SLC2A7: variants seen among roughly 807,000 people sequenced by gnomAD.
SLC2A7 encodes the protein solute carrier family 2 member 7.
Under a neutral mutation model 50.5 loss-of-function variants are expected in SLC2A7, and 50 were observed. That is an observed-to-expected ratio of 0.99 (90% CI 0.79 to 1.25). The LOEUF is 1.25. SLC2A7 is among the 50% of genes most tolerant of loss of function. The pLI is 0.00. For missense variants in SLC2A7, 683 were observed against 679.1 expected, an observed-to-expected ratio of 1.01 and a Z score of -0.06; for synonymous variants, 308 against 300.4, an observed-to-expected ratio of 1.03 and a Z score of -0.26.
Position 9,007,363 on chromosome 1 carries a change from T to C in SLC2A7, c.1139A>G (p.Tyr380Cys). 6.2e-7 allele frequency: 1 copy of C among 1,614,148 alleles called. No homozygotes were observed. The highest frequency in any genetic ancestry group is 1.7e-5 in the Admixed American group (1 of 60,024). Residue 380 changes from tyrosine to cysteine, a missense_variant, in exon 10 of 12, where the codon TAC becomes TGC. Transcript: ENST00000400906. ...LFQNRVPELS[Y>C]LGIICVFAYI... Reference sequence around the variant, plus strand: ...GGCAAAGACACAGATGATGCCGAGGTAGGACAGCTCGGGGACCCTGTTCTG... The same window carrying C: ...GGCAAAGACACAGATGATGCCGAGGCAGGACAGCTCGGGGACCCTGTTCTG...
intron 3 of SLC2A7, among the ~76,000 whole-genome samples, chr1:9,021,230 G>A (rs943870748): frequency 2.0e-5 from 3 of 152,120 alleles, no homozygotes; most frequent in East Asian, 1.9e-4. Flanking sequence ...GGCTGGTCTC[G>A]AACTCTTAGC....
the SLC2A7 span, among the ~76,000 whole-genome samples, chr1:8,993,659 G>A: frequency 2.4e-4 from 37 of 152,200 alleles, no homozygotes; most frequent in African/African-American, 7.0e-4. Context: ...ACAGAGTCTC[G>A]CTCTGTCGCT....
intron 10 of SLC2A7, among the ~76,000 whole-genome samples, chr1:9,006,131 C>A (rs931132644): frequency 2.0e-5 from 3 of 152,248 alleles, no homozygotes; most frequent in African/African-American, 7.2e-5. Flanking sequence ...AGGTGACACA[C>A]AGGCAGTGGG....
downstream of SLC2A7, among the ~76,000 whole-genome samples, chr1:9,000,242 G>C (rs1424915475): frequency 1.3e-5 from 2 of 152,114 alleles, no homozygotes; most frequent in African/African-American, 2.4e-5. Context: ...AGGATTGCTT[G>C]AGCCAAGAAG....
Position 9,010,206 on chromosome 1 carries a change from C to A in SLC2A7, c.1053G>T (p.Leu351=), listed in dbSNP as rs569729953. The change falls in exon 9 of 12, where the codon CTG becomes CTT. Residue 351 remains leucine, a synonymous_variant. Coordinates refer to ENST00000400906, the MANE Select transcript of SLC2A7 (RefSeq NM_207420.3). The part of the protein sequence containing the change: ...LVERLGRRHL[L]LAGYGICGSA... ...AGCCGCAGATGCCGTAGCCGGCCAG[C>A]AGGAGGTGCCGCCGTCCCAGCCGCT... 5 of 1,551,502 alleles carry A rather than the reference C, an allele frequency of 3.2e-6. No homozygotes were observed. The highest frequency in any genetic ancestry group is 4.4e-6 in the Non-Finnish European group (5 of 1,147,112).
At chr1:9,002,171 C>G (rs541047053), downstream of SLC2A7, among the ~76,000 whole-genome samples, 7 of 152,282 alleles carry the variant, frequency 4.6e-5, no homozygotes, top group Admixed American at 3.9e-4. Context: ...GGCTTCCCCC[C>G]ATGGAGATGG....
Position 9,014,706 on chromosome 1 carries a change from C to T in SLC2A7, c.878G>A (p.Gly293Asp), listed in dbSNP as rs766339197. The T allele has an allele frequency of 7.0e-6, 11 of 1,561,748 alleles. No individual in the cohort carries two copies. In the Middle Eastern group the frequency reaches 1.5e-3, roughly 213 times the overall value. Reference sequence around the variant, plus strand: ...CGCATTGATGCCCGACAGCTGCTGGCCGGCCATGAGCACGATGATGGAGAG... The same window carrying T: ...CGCATTGATGCCCGACAGCTGCTGGTCGGCCATGAGCACGATGATGGAGAG... ...QLLSIIVLMA[G>D]QQLSGINAIN... Residue 293 changes from glycine (G) to aspartate (D), a missense_variant, in exon 7 of 12, where the codon GGC (glycine) becomes GAC (aspartate). Coordinates refer to ENST00000400906, the MANE Select transcript of SLC2A7 (RefSeq NM_207420.3).
chr1:8,997,667 G>A, the SLC2A7 span, among the ~76,000 whole-genome samples: 8 of 152,258 alleles, frequency 5.3e-5, 2 homozygotes, highest in African/African-American at 1.7e-4. Context: ...CAAAGTGCTA[G>A]GATTACAGGC....
intron 3 of SLC2A7, 25 bp downstream of exon 3, chr1:9,022,893 T>C (rs777430136): frequency 1.2e-6 from 2 of 1,609,968 alleles, no homozygotes; most frequent in South Asian, 1.1e-5. Context: ...GAATTTTAAG[T>C]GGGAGCAGTG....
intron 10 of SLC2A7, among the ~76,000 whole-genome samples, chr1:9,007,083 G>A (rs6672506): frequency 0.21 from 32,456 of 152,104 alleles, 4,180 homozygotes; most frequent in Non-Finnish European, 0.29. Flanking sequence ...GGCCCCCCTG[G>A]GAGCCACAGA....
intron 3 of SLC2A7, among the ~76,000 whole-genome samples, chr1:9,020,558 C>G (rs1301766779): frequency 6.9e-6 from 1 of 145,796 alleles, no homozygotes; most frequent in East Asian, 2.2e-4. Context: ...GTGCCCCCCC[C>G]CACCCCCCCG....
At chr1:9,005,820 A>C (rs7556128) in intron 10 of SLC2A7, among the ~76,000 whole-genome samples, 119,143 of 150,840 alleles carry the variant, frequency 0.79, 47,264 homozygotes, top group East Asian at 0.97. Context: ...AAAGAAAAGG[A>C]CCGATCTCCC....
Position 9,024,982 on chromosome 1 carries a change from C to T in SLC2A7, c.144G>A (p.Pro48=), listed in dbSNP as rs149907833. The T allele has an allele frequency of 1.8e-4, 297 of 1,613,976 alleles. No individual in the cohort carries two copies. In the African/African-American group the frequency reaches 3.0e-3, roughly 16 times the overall value. Residue 48 remains proline (P), a synonymous_variant, in exon 2 of 12, where the codon CCG becomes CCA. Coordinates refer to ENST00000400906, the MANE Select transcript of SLC2A7 (RefSeq NM_207420.3). ...GTGCCCACCTTGTGCCCACCTTGTGCGGCGTGTTGACCACAGAGAGGTTGT... is the reference window on the plus strand; with the variant it reads ...GTGCCCACCTTGTGCCCACCTTGTGTGGCGTGTTGACCACAGAGAGGTTGT... ...YGYNLSVVNT[P]HKVFKSFYNE...
chr1:9,016,093 C>T (rs148568053), intron 5 of SLC2A7, among the ~76,000 whole-genome samples: 213 of 152,218 alleles, frequency 1.4e-3, no homozygotes, highest in African/African-American at 4.7e-3. Flanking sequence ...AGGTGCTAAG[C>T]GTCATGCACG....
chr1:9,019,129 C>T (rs1485173114), intron 4 of SLC2A7, 80 bp downstream of exon 4: 4 of 1,533,024 alleles, frequency 2.6e-6, no homozygotes, highest in Non-Finnish European at 3.5e-6. Context: ...GCCAGGCAGA[C>T]ACCTCATCTG....
the SLC2A7 span, among the ~76,000 whole-genome samples, chr1:8,995,893 A>G: frequency 3.3e-5 from 5 of 152,080 alleles, no homozygotes; most frequent in Non-Finnish European, 5.9e-5. Context: ...TCAGCCTCCC[A>G]AGTAGCTGGG....
intron 10 of SLC2A7, among the ~76,000 whole-genome samples, chr1:9,005,737 T>C (rs373347982): frequency 2.3e-5 from 3 of 132,350 alleles, no homozygotes; most frequent in African/African-American, 8.9e-5. Context: ...ACTCGGGAGA[T>C]GGAGGTTGCG....
chr1:9,015,319 C>T (rs764663498), intron 5 of SLC2A7, 77 bp from the exon 6 acceptor site: 55 of 1,463,458 alleles, frequency 3.8e-5, no homozygotes, highest in East Asian at 4.8e-5. Context: ...CGGAAGGTCA[C>T]GCTCCTATGT....
the SLC2A7 span, among the ~76,000 whole-genome samples, chr1:8,997,470 G>A: frequency 2.0e-5 from 3 of 152,030 alleles, no homozygotes; most frequent in Non-Finnish European, 2.9e-5. Context: ...GCACAATCTC[G>A]GTTCACTGCA....
Sources: allele counts gnomAD v4.1 joint callset (sites outside exome capture counted in the v4.1 genomes callset), GRCh38; gene constraint gnomAD v4.1.1; transcripts MANE v1.5; gene names NCBI Gene and HGNC (gene_info 2026-07-23, HGNC 2026-07-21).